The following GNG7 variants were observed in gnomAD, a reference collection of about 807,000 sequenced individuals.
The protein encoded by GNG7 is guanine nucleotide-binding protein G(I)/G(S)/G(O) subunit gamma-7.
A neutral mutation model predicts 4.0 loss-of-function variants in GNG7; 1 was observed. The ratio of observed to expected loss-of-function variants is 0.25; its 90% CI spans 0.09 to 1.18. GNG7 has a LOEUF of 1.18. Among genes scored for constraint, GNG7 ranks in the 50% most tolerant of loss-of-function variants. The pLI is 0.50. For synonymous variants in GNG7, 34 were observed against 36.9 expected, an observed-to-expected ratio of 0.92 and a Z score of 0.29; for missense variants, 86 against 91.9, an observed-to-expected ratio of 0.94 and a Z score of 0.26.
intron 1 of GNG7, among the ~76,000 whole-genome samples, chr19:2,647,957 G>A (rs1229974473): frequency 6.6e-6 from 1 of 150,632 alleles, no homozygotes; most frequent in Admixed American, 6.6e-5. Flanking sequence ...GAACCCGGGA[G>A]GCGGAGGTTG....
At chr19:2,619,203 T>A (rs1981802017) in intron 2 of GNG7, among the ~76,000 whole-genome samples, 1 of 152,170 alleles carries the variant, frequency 6.6e-6, no homozygotes, top group Non-Finnish European at 1.5e-5. Context: ...ACCAGAGAGT[T>A]TGAGAACCTT....
chr19:2,584,061 C>T (rs958113464), intron 2 of GNG7, among the ~76,000 whole-genome samples: 2 of 151,682 alleles, frequency 1.3e-5, no homozygotes, highest in Admixed American at 6.6e-5. Flanking sequence ...AGGACTGAGG[C>T]AGAAAAAAAT....
chr19:2,573,214 G>C (rs1980204348), intron 2 of GNG7, among the ~76,000 whole-genome samples: 1 of 151,374 alleles, frequency 6.6e-6, no homozygotes, highest in Admixed American at 6.6e-5. Context: ...GTAGCGACGG[G>C]GTTTCACCAT....
At chr19:2,686,596 T>C (rs1262237893) in intron 1 of GNG7, among the ~76,000 whole-genome samples, 1 of 152,154 alleles carries the variant, frequency 6.6e-6, no homozygotes, top group African/African-American at 2.4e-5. Context: ...AGGACGCATA[T>C]GTCTCCAATC....
chr19:2,515,662 G>A (rs897771318), intron 4 of GNG7, among the ~76,000 whole-genome samples: 5 of 151,890 alleles, frequency 3.3e-5, no homozygotes, highest in African/African-American at 9.7e-5. Context: ...TCCTGACCTC[G>A]CGATATGCCT....
chr19:2,531,770 CAAAAA>C lies in GNG7; in HGVS notation c.-37-11050_-37-11046del, dbSNP rs57772201. Among the ~76,000 whole-genome samples, 424 of 128,320 alleles carry C rather than the reference CAAAAA, an allele frequency of 3.3e-3. 1 individual carries two copies. Among genetic ancestry groups the C allele is most frequent in the African/African-American group, 8.0e-3 (288 of 35,804 alleles). The allele number at this position is 128,320 out of a possible 152,430, so 84.2% of individuals were successfully genotyped here. On this transcript the variant is annotated intron_variant, in intron 3 of 4. Coordinates refer to ENST00000382159, the MANE Select transcript of GNG7 (RefSeq NM_052847.3). ...TGGGTAACAGAGCGAGACTCCGTCC[CAAAAA>C]AAAAAAAAAATGCACAATACAATAT...
intron 1 of GNG7, among the ~76,000 whole-genome samples, chr19:2,692,088 G>T (rs1249370184): frequency 6.6e-6 from 1 of 152,128 alleles, no homozygotes; most frequent in African/African-American, 2.4e-5. Flanking sequence ...AGAACCATGA[G>T]ACAATACATT....
chr19:2,544,681 G>A (rs1380533728), intron 3 of GNG7, among the ~76,000 whole-genome samples: 9 of 152,186 alleles, frequency 5.9e-5, no homozygotes, highest in Non-Finnish European at 1.2e-4. Context: ...ATGAGCCACC[G>A]TGCTGGGCCA....
intron 1 of GNG7, among the ~76,000 whole-genome samples, chr19:2,665,413 C>T (rs539627956): frequency 6.6e-6 from 1 of 152,184 alleles, no homozygotes; most frequent in African/African-American, 2.4e-5. Flanking sequence ...CTCGCCACAC[C>T]CCACCTCTTG....
At chr19:2,552,860 A>ACCC (rs1979378168) in intron 3 of GNG7, among the ~76,000 whole-genome samples, 6 of 106,974 alleles carry the variant, frequency 5.6e-5, no homozygotes, top group Admixed American at 9.8e-5. Flanking sequence ...CACCCCCCCC[A>ACCC]CCTCCCCACT....
In GNG7 at chr19:2,560,843, G is replaced by C. The variant is rs377510279; in HGVS notation, c.-77-5655C>G. ...GTGGTGGTGGGTGCCTGTAATCCCAGGTACTCAGGAGGCTGAGGCAGGAGA... is the reference window on the plus strand; with the variant it reads ...GTGGTGGTGGGTGCCTGTAATCCCACGTACTCAGGAGGCTGAGGCAGGAGA... On this transcript the variant is annotated intron_variant, in intron 2 of 4. Transcript: ENST00000382159. Among the ~76,000 whole-genome samples the C allele has an allele frequency of 2.0e-5, 3 of 151,862 alleles. No individual in the cohort carries two copies. The East Asian group carries it at 5.8e-4, about 29-fold the overall frequency.
chr19:2,643,143 C>A (rs1293832894), intron 2 of GNG7: 2 of 453,862 alleles, frequency 4.4e-6, no homozygotes, highest in Non-Finnish European at 8.8e-6. Flanking sequence ...GCACACCTTC[C>A]CACCCTGCAC....
At chr19:2,519,105 T>G (rs191898832) in intron 4 of GNG7, among the ~76,000 whole-genome samples, 1 of 151,378 alleles carries the variant, frequency 6.6e-6, no homozygotes, top group Non-Finnish European at 1.5e-5. Context: ...CAGTTAAATG[T>G]TTTTTTAGAT....
chr19:2,572,164 G>A (rs1180703209), intron 2 of GNG7, among the ~76,000 whole-genome samples: 4 of 151,900 alleles, frequency 2.6e-5, no homozygotes, highest in African/African-American at 9.7e-5. Flanking sequence ...TGGGACCACA[G>A]GGGCACACCA....
At chr19:2,568,114 TAC>T (rs1213643693) in intron 2 of GNG7, among the ~76,000 whole-genome samples, 3 of 143,514 alleles carry the variant, frequency 2.1e-5, no homozygotes, top group Admixed American at 6.9e-5. Context: ...CACATGCACA[TAC>T]ACACATATAG....
chr19:2,620,407 C>T (rs1981838543), intron 2 of GNG7, among the ~76,000 whole-genome samples: 1 of 152,038 alleles, frequency 6.6e-6, no homozygotes, highest in Non-Finnish European at 1.5e-5. Flanking sequence ...CACACCAGAG[C>T]TGGGCCCATG....
At chr19:2,591,599 A>C (rs4807302) in intron 2 of GNG7, among the ~76,000 whole-genome samples, 6 of 151,854 alleles carry the variant, frequency 4.0e-5, no homozygotes, top group Non-Finnish European at 8.8e-5. Flanking sequence ...CTCCAGCCCA[A>C]AGGAAGCTCT....
intron 2 of GNG7, among the ~76,000 whole-genome samples, chr19:2,644,799 G>A (rs915941478): frequency 2.0e-5 from 3 of 152,172 alleles, no homozygotes; most frequent in Non-Finnish European, 2.9e-5. Context: ...CTGTGTCAAA[G>A]CTTCATTCCT....
At chr19:2,681,187 T>C (rs192497553) in intron 1 of GNG7, among the ~76,000 whole-genome samples, 13 of 151,812 alleles carry the variant, frequency 8.6e-5, no homozygotes, top group African/African-American at 3.1e-4. Flanking sequence ...CAACTTTTTT[T>C]ATTTTATTGT....
Sources: allele counts gnomAD v4.1 joint callset (sites outside exome capture counted in the v4.1 genomes callset), GRCh38; gene constraint gnomAD v4.1.1; transcripts MANE v1.5; gene names NCBI Gene and HGNC (gene_info 2026-07-23, HGNC 2026-07-21).